ABCG2: variants seen among roughly 807,000 people sequenced by gnomAD.
The protein encoded by ABCG2 is ATP binding cassette subfamily G member 2 (JR blood group).
Under a neutral mutation model 73.5 loss-of-function variants are expected in ABCG2, and 80 were observed. That is an observed-to-expected ratio of 1.09 (90% CI 0.91 to 1.31). The LOEUF (loss-of-function observed/expected upper bound fraction) is 1.31, where lower values mean the gene tolerates loss of function less well. Ranked by LOEUF, ABCG2 falls within the 50% of genes most tolerant of loss-of-function variation. The pLI is 0.00. For missense variants in ABCG2, 796 were observed against 786.2 expected, an observed-to-expected ratio of 1.01 and a Z score of -0.15; for synonymous variants, 269 against 282.4, an observed-to-expected ratio of 0.95 and a Z score of 0.48.
At chr4:88,126,054 A>C (rs1418234314) in intron 5 of ABCG2, among the ~76,000 whole-genome samples, 1 of 152,190 alleles carries the variant, frequency 6.6e-6, no homozygotes, top group Non-Finnish European at 1.5e-5. Flanking sequence ...AATAAAGAAG[A>C]GAGAAGAATC....
intron 13 of ABCG2, among the ~76,000 whole-genome samples, chr4:88,097,125 G>A (rs1475647310): frequency 6.6e-6 from 1 of 152,110 alleles, no homozygotes; most frequent in African/African-American, 2.4e-5. Flanking sequence ...AAGAGAATCT[G>A]CCGATCAAAT....
rs577238658 is a variant in ABCG2 at position 88,164,754 on chromosome 4, T to C, written c.-19-24740A>G. On this transcript the variant is annotated intron_variant, in intron 1 of 15. Transcript: ENST00000515655. Reference sequence around the variant, plus strand: ...GGGAAGGAAGTTGGATGTATCCTCATGGAGGTAAATGGATTTTTTGTTGTT... The same window carrying C: ...GGGAAGGAAGTTGGATGTATCCTCACGGAGGTAAATGGATTTTTTGTTGTT... Among the ~76,000 whole-genome samples the C allele has an allele frequency of 3.3e-5, 5 of 152,294 alleles. No homozygotes were observed. In the East Asian group the frequency reaches 9.6e-4, roughly 29 times the overall value.
At chr4:88,134,106 G>A (rs1324677353) in intron 2 of ABCG2, among the ~76,000 whole-genome samples, 1 of 152,054 alleles carries the variant, frequency 6.6e-6, no homozygotes, top group Non-Finnish European at 1.5e-5. Context: ...TGATAAGTAA[G>A]TTACAATATA....
At chr4:88,147,055 GT>G (rs1292993005) in intron 1 of ABCG2, among the ~76,000 whole-genome samples, 61 of 86,522 alleles carry the variant, frequency 7.1e-4, no homozygotes, top group African/African-American at 3.1e-3. Flanking sequence ...GAAAAGAAAG[GT>G]AAAGGAAAGG....
chr4:88,148,414 A>AG (rs1726198708), intron 1 of ABCG2, among the ~76,000 whole-genome samples: 1 of 152,126 alleles, frequency 6.6e-6, no homozygotes, highest in Non-Finnish European at 1.5e-5. Context: ...TAGTTTTCAG[A>AG]GGGGGGCAGT....
chr4:88,220,559 C>G (rs1479629129), intron 1 of ABCG2: 1 of 152,688 alleles, frequency 6.5e-6, no homozygotes, highest in Non-Finnish European at 1.5e-5. Flanking sequence ...TATCTTGATT[C>G]AAAGTGCTTT....
intron 5 of ABCG2, among the ~76,000 whole-genome samples, chr4:88,127,853 C>G (rs186010658): frequency 6.7e-6 from 1 of 150,058 alleles, no homozygotes; most frequent in Admixed American, 6.7e-5. Flanking sequence ...TAGGCATGGG[C>G]AAAGACTTCA....
intron 1 of ABCG2, among the ~76,000 whole-genome samples, chr4:88,176,008 A>G (rs192874228): frequency 3.9e-5 from 6 of 152,342 alleles, no homozygotes; most frequent in East Asian, 1.9e-4. Flanking sequence ...TCCTCCATAT[A>G]TAACAACCCT....
At chr4:88,155,169 A>T (rs1366238229) in intron 1 of ABCG2, among the ~76,000 whole-genome samples, 1 of 152,114 alleles carries the variant, frequency 6.6e-6, no homozygotes. Context: ...TCCTTTTGTG[A>T]GTTTATATAA....
At chr4:88,227,862 A>C (rs1224391809) in intron 1 of ABCG2, among the ~76,000 whole-genome samples, 1 of 152,190 alleles carries the variant, frequency 6.6e-6, no homozygotes, top group African/African-American at 2.4e-5. Context: ...AGGTCATCAG[A>C]AGTCTTGAGA....
At chr4:88,222,211 A>G (rs1578290222) in intron 1 of ABCG2, among the ~76,000 whole-genome samples, 1 of 152,166 alleles carries the variant, frequency 6.6e-6, no homozygotes, top group African/African-American at 2.4e-5. Flanking sequence ...TCAAGAATTG[A>G]GTCTGGGAAC....
rs75609993 is a variant in ABCG2, at chr4:88,175,180, G to A, written c.-19-35166C>T. Among the ~76,000 whole-genome samples the A allele has an allele frequency of 2.6e-3, 390 of 152,292 alleles. 2 individuals are homozygous for A. Among genetic ancestry groups the A allele is most frequent in the South Asian group, 0.015 (72 of 4,820 alleles). Reference sequence around the variant, plus strand: ...ACAGATTGTTATGTTCTACATGATTGCGTCTTAATAGTTTCGTTAACCACA... The same window carrying A: ...ACAGATTGTTATGTTCTACATGATTACGTCTTAATAGTTTCGTTAACCACA... On this transcript the variant is annotated intron_variant, in intron 1 of 15. Transcript: ENST00000515655.
chr4:88,175,310 C>G (rs929844257), intron 1 of ABCG2, among the ~76,000 whole-genome samples: 3 of 152,114 alleles, frequency 2.0e-5, no homozygotes, highest in African/African-American at 7.2e-5. Context: ...TGTATACTTC[C>G]GTTAGGAAGC....
At chr4:88,121,598 G>C (rs1332680056) in intron 6 of ABCG2, 37 bp downstream of exon 6, 1 of 1,596,230 alleles carries the variant, frequency 6.3e-7, no homozygotes, top group East Asian at 2.2e-5. Context: ...GTAGTGATAA[G>C]ATATTAACTA....
At chr4:88,134,448 C>T (rs1725109057) in intron 2 of ABCG2, among the ~76,000 whole-genome samples, 1 of 152,202 alleles carries the variant, frequency 6.6e-6, no homozygotes, top group African/African-American at 2.4e-5. Context: ...AAATCTCTTA[C>T]TCTTTCAGTG....
Position 88,149,809 on chromosome 4 carries a change from C to A in ABCG2, c.-20+8577G>T, listed in dbSNP as rs182933806. ...GAGGTTGCGGTGAGCTGAGCTCGCA[C>A]CATTGCACTCCATTCTGGGCAACAA... On this transcript the variant is annotated intron_variant, in intron 1 of 15. Transcript: ENST00000237612. Among the ~76,000 whole-genome samples, 600 of 152,218 alleles carry A rather than the reference C, an allele frequency of 3.9e-3. 5 individuals carry two copies. Among genetic ancestry groups the A allele is most frequent in the African/African-American group, 0.014 (564 of 41,534 alleles).
chr4:88,104,826 C>A (rs1325063708), intron 10 of ABCG2, among the ~76,000 whole-genome samples: 1 of 152,200 alleles, frequency 6.6e-6, no homozygotes. Flanking sequence ...TGCCCTATTT[C>A]TCCAGAAAAC....
chr4:88,093,263 T>C (rs750751216), intron 15 of ABCG2, among the ~76,000 whole-genome samples: 8 of 152,130 alleles, frequency 5.3e-5, no homozygotes, highest in Non-Finnish European at 8.8e-5. Flanking sequence ...CCCAGCACTT[T>C]GGGAGGCCAA....
intron 1 of ABCG2, among the ~76,000 whole-genome samples, chr4:88,140,780 A>G (rs1725584472): frequency 6.6e-6 from 1 of 152,248 alleles, no homozygotes; most frequent in South Asian, 2.1e-4. Flanking sequence ...TGCACCTTCA[A>G]TCAGCAAAGA....
Sources: gnomAD v4.1 joint callset for allele counts (sites outside exome capture counted in the v4.1 genomes callset) on GRCh38, gnomAD v4.1.1 for gene constraint, MANE v1.5 for transcripts, NCBI Gene and HGNC (gene_info 2026-07-23, HGNC 2026-07-21) for gene names.